ANTXR2: variants seen among roughly 807,000 people sequenced by gnomAD.
ANTXR2 encodes ANTXR cell adhesion molecule 2.
Under a neutral mutation model 73.7 loss-of-function variants are expected in ANTXR2, and 44 were observed. That is an observed-to-expected ratio of 0.60 (90% CI 0.47 to 0.77). ANTXR2 has a LOEUF of 0.77. Ranked by LOEUF, ANTXR2 falls within the 30% of genes least tolerant of loss-of-function variation. The pLI, the probability that ANTXR2 is intolerant of heterozygous loss-of-function variation, is 0.00. For missense variants in ANTXR2, 604 were observed against 592.5 expected (o/e 1.02, Z -0.20); for synonymous variants, 217 against 205.9 (o/e 1.05, Z -0.46).
intron 3 of ANTXR2, among the ~76,000 whole-genome samples, chr4:80,061,803 A>G (rs991305301): frequency 6.6e-6 from 1 of 152,138 alleles, no homozygotes; most frequent in Non-Finnish European, 1.5e-5. Context: ...TTAATAAACC[A>G]CAAAATTAAC....
chr4:80,012,841 C>T lies in ANTXR2; in HGVS notation c.946-4225G>A, dbSNP rs12650473. 1.5e-3 allele frequency among the ~76,000 whole-genome samples: 221 copies of T among 152,246 alleles called. 7 individuals are homozygous for T. The East Asian group carries it at 0.036, about 25-fold the overall frequency. On this transcript the variant is annotated intron_variant, in intron 11 of 16. Transcript: ENST00000403729. ...GGCTGGGTCCACATAAGAAGAAGTA[C>T]CTTCTAATGTATTTGGATAAAAGTG... is the stretch of plus-strand genomic sequence containing the variant.
Position 79,937,638 on chromosome 4 carries a change from A to G in ANTXR2, c.1429-30171T>C, listed in dbSNP as rs554193022. Among the ~76,000 whole-genome samples the G allele has an allele frequency of 7.9e-5, 12 of 152,352 alleles. 1 individual carries two copies. The South Asian group carries it at 2.5e-3, about 32-fold the overall frequency. ...AAATGTTATGTGTCACTAACAAGGT[A>G]ACAACTTGAATGCTTATGTATATAT... On this transcript the variant is annotated intron_variant, in intron 16 of 16. Coordinates refer to ENST00000403729, the MANE Select transcript of ANTXR2 (RefSeq NM_058172.6).
rs1731211600 is a variant in ANTXR2 at position 80,004,539 on chromosome 4, G to T, written c.1041+3982C>A. Among the ~76,000 whole-genome samples the T allele has an allele frequency of 3.3e-5, 5 of 152,062 alleles. No individual in the cohort carries two copies. In the South Asian group the frequency reaches 1.0e-3, roughly 31 times the overall value. On this transcript the variant is annotated intron_variant, in intron 12 of 16. Coordinates refer to ENST00000403729, the MANE Select transcript of ANTXR2 (RefSeq NM_058172.6). ...TTCTTGCCTCTTCCAGCTTCTAGTG[G>T]CTGCCAGCATTCCTTGGCTTGTGGC...
chr4:80,009,007 T>C (rs139306412), intron 11 of ANTXR2, among the ~76,000 whole-genome samples: 1 of 152,188 alleles, frequency 6.6e-6, no homozygotes, highest in Non-Finnish European at 1.5e-5. Flanking sequence ...GACTTTTTGA[T>C]GGTGAAACAC....
chr4:80,016,713 G>A (rs1423967288), intron 11 of ANTXR2, among the ~76,000 whole-genome samples: 1 of 152,196 alleles, frequency 6.6e-6, no homozygotes, highest in Non-Finnish European at 1.5e-5. Context: ...TGTGCCTGAT[G>A]ACAATTCATC....
At chr4:80,068,175 C>T (rs941102722) in intron 3 of ANTXR2, among the ~76,000 whole-genome samples, 2 of 152,068 alleles carry the variant, frequency 1.3e-5, no homozygotes, top group African/African-American at 4.8e-5. Flanking sequence ...AAGTTCTCTC[C>T]CCCAGTTCCT....
At chr4:79,919,912 TATATATATAAAA>T (rs1341151464) in intron 16 of ANTXR2, among the ~76,000 whole-genome samples, 485 of 18,718 alleles carry the variant, frequency 0.026, 17 homozygotes, top group African/African-American at 0.1. Context: ...TATATATATA[TATATATATAAAA>T]AATGATAGGG....
intron 16 of ANTXR2, among the ~76,000 whole-genome samples, chr4:79,915,862 C>CTCTCTCTCTCTATATATATATA (rs377006532): frequency 1.6e-5 from 2 of 123,876 alleles, no homozygotes; most frequent in Non-Finnish European, 3.4e-5. Flanking sequence ...CTCTCTCTCT[C>CTCTCTCTCTCTATATATATATA]TATATATATA....
intron 3 of ANTXR2, among the ~76,000 whole-genome samples, chr4:80,060,022 T>A (rs1203010532): frequency 1.3e-5 from 2 of 152,200 alleles, no homozygotes; most frequent in Non-Finnish European, 2.9e-5. Flanking sequence ...ACTTGAACTT[T>A]CCAATGCACA....
rs1726724357 is a variant in ANTXR2, at chr4:79,902,015, C to G, written c.*5414G>C. 1 of 152,232 alleles carries G rather than the reference C, an allele frequency of 6.6e-6. No individual in the cohort carries two copies. The allele number at this position is 152,232 out of a possible 1,614,324, so 9.4% of individuals were successfully genotyped here. On this transcript the variant is annotated 3_prime_UTR_variant, in exon 17 of 17. Coordinates refer to ENST00000403729, the MANE Select transcript of ANTXR2 (RefSeq NM_058172.6). The stretch of plus-strand genomic sequence containing the variant: ...CCATGGACCAGTACCAGTCCATGAC[C>G]TGGGGGATGGGATCCCTGCTCTAGA...
chr4:79,975,288 C>T (rs1476221189), intron 16 of ANTXR2, among the ~76,000 whole-genome samples: 1 of 152,204 alleles, frequency 6.6e-6, no homozygotes, highest in African/African-American at 2.4e-5. Context: ...ACCCAGAACA[C>T]ATTCCAGAAT....
At chr4:79,925,479 T>C (rs906860449) in intron 16 of ANTXR2, among the ~76,000 whole-genome samples, 4 of 152,078 alleles carry the variant, frequency 2.6e-5, no homozygotes, top group African/African-American at 9.7e-5. Context: ...CATGTAAATG[T>C]ATTACTTTAT....
intron 16 of ANTXR2, among the ~76,000 whole-genome samples, chr4:79,934,257 T>C (rs1022544377): frequency 2.0e-5 from 3 of 152,184 alleles, no homozygotes; most frequent in Non-Finnish European, 4.4e-5. Flanking sequence ...CCGTGTGCAG[T>C]GGCTTATGCC....
At chr4:79,944,879 AATTTAAT>A (rs1728460051) in intron 16 of ANTXR2, among the ~76,000 whole-genome samples, 1 of 152,180 alleles carries the variant, frequency 6.6e-6, no homozygotes. Flanking sequence ...AAGATAAAGA[AATTTAAT>A]TAAAATTACA....
intron 16 of ANTXR2, among the ~76,000 whole-genome samples, chr4:79,921,942 T>C (rs956490258): frequency 6.6e-6 from 1 of 152,048 alleles, no homozygotes; most frequent in African/African-American, 2.4e-5. Flanking sequence ...TTACATCTAG[T>C]AATAAGATGT....
chr4:79,933,061 C>T (rs1475681651), intron 16 of ANTXR2, among the ~76,000 whole-genome samples: 2 of 152,118 alleles, frequency 1.3e-5, no homozygotes, highest in Non-Finnish European at 2.9e-5. Flanking sequence ...GTAATCCTTG[C>T]TGCATTAGTT....
At chr4:80,064,602 T>C (rs962655665) in intron 3 of ANTXR2, among the ~76,000 whole-genome samples, 14 of 152,148 alleles carry the variant, frequency 9.2e-5, no homozygotes, top group African/African-American at 3.1e-4. Context: ...TGTAAGAGAT[T>C]ACTGGGGAGG....
chr4:80,016,410 G>T (rs1340570132), intron 11 of ANTXR2, among the ~76,000 whole-genome samples: 3 of 152,044 alleles, frequency 2.0e-5, no homozygotes, highest in African/African-American at 4.8e-5. Context: ...TCAAGGCCCT[G>T]TCTGTCTCAG....
intron 12 of ANTXR2, among the ~76,000 whole-genome samples, chr4:79,989,228 A>G (rs1408458005): frequency 6.6e-6 from 1 of 152,016 alleles, no homozygotes; most frequent in African/African-American, 2.4e-5. Context: ...AAAAATAAAC[A>G]AGATTGATAA....
Sources: allele counts gnomAD v4.1 joint callset (sites outside exome capture counted in the v4.1 genomes callset), GRCh38; gene constraint gnomAD v4.1.1; transcripts MANE v1.5; gene names NCBI Gene and HGNC (gene_info 2026-07-23, HGNC 2026-07-21).